The following DISC1 variants were observed in gnomAD, a reference collection of about 807,000 sequenced individuals.
DISC1 encodes DISC1 scaffold protein.
DISC1 carries 57 observed loss-of-function variants against 84.5 expected under a neutral mutation model. The ratio of observed to expected loss-of-function variants is 0.67; its 90% CI spans 0.55 to 0.84. The LOEUF is 0.84. DISC1 is among the 40% of genes least tolerant of loss of function. The pLI is 0.00. For synonymous variants in DISC1, 411 were observed against 415.2 expected, an observed-to-expected ratio of 0.99 and a Z score of 0.12; for missense variants, 1,000 against 1,057.8, an observed-to-expected ratio of 0.95 and a Z score of 0.76.
chr1:231,855,351 A>C (rs904246035), intron 9 of DISC1: 5 of 979,340 alleles, frequency 5.1e-6, no homozygotes, highest in Non-Finnish European at 6.1e-6. Flanking sequence ...TAAACAGTAC[A>C]TTAAAAAGAC....
chr1:232,006,352 A>G (rs1425573850), intron 10 of DISC1, among the ~76,000 whole-genome samples: 2 of 152,172 alleles, frequency 1.3e-5, no homozygotes, highest in Non-Finnish European at 2.9e-5. Flanking sequence ...AAATGCTGAT[A>G]GTGATATGGA....
intron 9 of DISC1, among the ~76,000 whole-genome samples, chr1:231,921,400 G>C (rs915801112): frequency 3.3e-5 from 5 of 152,082 alleles, no homozygotes; most frequent in African/African-American, 1.2e-4. Context: ...TCTCAGTTTG[G>C]GAAGGGTGAT....
intron 9 of DISC1, among the ~76,000 whole-genome samples, chr1:231,955,289 C>T (rs1659234894): frequency 6.6e-6 from 1 of 152,148 alleles, no homozygotes; most frequent in African/African-American, 2.4e-5. Context: ...AGAACTTTCC[C>T]AAACTCCAGA....
intron 8 of DISC1, among the ~76,000 whole-genome samples, chr1:231,804,145 CT>C (rs975312718): frequency 9.9e-5 from 15 of 152,112 alleles, no homozygotes; most frequent in African/African-American, 3.6e-4. Flanking sequence ...TTTATAACCA[CT>C]GCAGTGTTAC....
Position 231,957,708 on chromosome 1 carries a change from CTT to C in DISC1, c.1982-1116_1982-1115del, listed in dbSNP as rs1304197155. On this transcript the variant is annotated intron_variant, in intron 9 of 12. Transcript: ENST00000439617. ...AGTTGTTTTCATTGTGTAAATGTCT[CTT>C]TTTATCTTTTATGGACTAATGAACC... 1.8e-4 allele frequency among the ~76,000 whole-genome samples: 27 copies of C among 152,284 alleles called. No individual in the cohort carries two copies. The East Asian group carries it at 4.4e-3, about 25-fold the overall frequency.
intron 1 of DISC1, among the ~76,000 whole-genome samples, chr1:231,638,589 T>C (rs1242218985): frequency 2.0e-5 from 3 of 152,210 alleles, no homozygotes; most frequent in African/African-American, 7.2e-5. Flanking sequence ...GTATCATTTA[T>C]TGAAAGGGGT....
intron 9 of DISC1, chr1:231,926,064 C>T (rs1285329406): frequency 6.6e-6 from 1 of 152,202 alleles, no homozygotes; most frequent in Admixed American, 6.5e-5. Flanking sequence ...AATTGGCTGC[C>T]ACTGTGGTGA....
intron 10 of DISC1, among the ~76,000 whole-genome samples, chr1:231,969,789 C>G (rs934829795): frequency 6.6e-6 from 1 of 151,852 alleles, no homozygotes; most frequent in African/African-American, 2.4e-5. Flanking sequence ...GTGATGTTCC[C>G]CTTCCTGTGT....
At chr1:231,815,814 G>T (rs1409020407) in intron 8 of DISC1, among the ~76,000 whole-genome samples, 1 of 150,950 alleles carries the variant, frequency 6.6e-6, no homozygotes, top group Non-Finnish European at 1.5e-5. Flanking sequence ...TCTTTTTATT[G>T]CTGAGTAGTC....
rs1451447372 is a variant in DISC1 at position 231,771,013 on chromosome 1, C to T, written c.1577C>T (p.Thr526Ile). 2 of 1,612,448 alleles carry T rather than the reference C, an allele frequency of 1.2e-6. No individual in the cohort carries two copies. Among genetic ancestry groups the T allele is most frequent in the African/African-American group, 1.3e-5 (1 of 75,034 alleles). The change falls in exon 6 of 13, where the codon ACC becomes ATC. Residue 526 changes from threonine (T) to isoleucine (I), a missense_variant. By Grantham distance (89) the Thr-to-Ile change is moderately conservative (BLOSUM62 -1). Coordinates refer to ENST00000439617, the MANE Select transcript of DISC1 (RefSeq NM_018662.3). ...GAGGTCAGCAAGGCCTTGCAGGACA[C>T]CCTGGCCTCAGCCGGTCAGATTCCC... is the stretch of plus-strand genomic sequence containing the variant. Reference protein sequence around the residue: ...LQEVSKALQDTLASAGQIPFH... With the variant: ...LQEVSKALQDILASAGQIPFH...
At chr1:231,658,642 G>A (rs2061332308) in intron 1 of DISC1, among the ~76,000 whole-genome samples, 1 of 151,988 alleles carries the variant, frequency 6.6e-6, no homozygotes, top group African/African-American at 2.4e-5. Flanking sequence ...ATTATTTTGA[G>A]GTATGTTCCT....
chr1:231,808,350 C>T (rs2079929573), intron 8 of DISC1, among the ~76,000 whole-genome samples: 1 of 152,184 alleles, frequency 6.6e-6, no homozygotes, highest in Non-Finnish European at 1.5e-5. Context: ...CCCAGAAGCT[C>T]CAGGCCCACC....
At chr1:231,882,349 T>C (rs2086346130) in intron 9 of DISC1, among the ~76,000 whole-genome samples, 1 of 152,024 alleles carries the variant, frequency 6.6e-6, no homozygotes, top group Admixed American at 6.6e-5. Flanking sequence ...AATGAGGTGA[T>C]CTCCAGAATC....
intron 9 of DISC1, among the ~76,000 whole-genome samples, chr1:231,924,402 G>A (rs76146407): frequency 0.017 from 2,636 of 152,306 alleles, 30 homozygotes; most frequent in Non-Finnish European, 0.027. Flanking sequence ...GAGTGCCATA[G>A]TTACGGGACA....
intron 3 of DISC1, among the ~76,000 whole-genome samples, chr1:231,737,450 G>A (rs928075009): frequency 1.3e-5 from 2 of 152,148 alleles, no homozygotes; most frequent in Admixed American, 1.3e-4. Context: ...CTTAAACCTT[G>A]AGCTATAAAC....
At chr1:231,829,631 G>C (rs529136784) in intron 9 of DISC1, among the ~76,000 whole-genome samples, 1 of 152,306 alleles carries the variant, frequency 6.6e-6, no homozygotes, top group South Asian at 2.1e-4. Flanking sequence ...GGATTACAGA[G>C]TGAGCCACCA....
intron 4 of DISC1, among the ~76,000 whole-genome samples, chr1:231,759,538 A>AAAC (rs2075442550): frequency 6.7e-6 from 1 of 148,688 alleles, no homozygotes; most frequent in African/African-American, 2.5e-5. Context: ...AAAAAAAAAA[A>AAAC]AAAAAAAAAA....
chr1:232,007,404 C>T (rs1178619313), intron 10 of DISC1, among the ~76,000 whole-genome samples: 2 of 152,154 alleles, frequency 1.3e-5, no homozygotes, highest in African/African-American at 4.8e-5. Flanking sequence ...CCATAGGAAC[C>T]CATCTCTTGC....
chr1:231,930,596 AC>A (rs1292357081), intron 9 of DISC1, among the ~76,000 whole-genome samples: 5 of 152,000 alleles, frequency 3.3e-5, no homozygotes, highest in Non-Finnish European at 5.9e-5. Context: ...CCAAACCTCT[AC>A]CCCATATGGC....
Sources: gnomAD v4.1 joint callset for allele counts (sites outside exome capture counted in the v4.1 genomes callset) on GRCh38, gnomAD v4.1.1 for gene constraint, MANE v1.5 for transcripts, NCBI Gene and HGNC (gene_info 2026-07-23, HGNC 2026-07-21) for gene names.